The following SLC24A3 variants were observed in gnomAD, a reference collection of about 807,000 sequenced individuals.
The protein encoded by SLC24A3 is sodium/potassium/calcium exchanger 3.
In SLC24A3, 28 loss-of-function variants were observed where a neutral mutation model predicts 75.8. The ratio of observed to expected loss-of-function variants is 0.37; its 90% CI spans 0.27 to 0.51. The LOEUF (loss-of-function observed/expected upper bound fraction) is 0.51, where lower values mean the gene tolerates loss of function less well. Among genes scored for constraint, SLC24A3 ranks in the 20% least tolerant of loss-of-function variants. The pLI is 0.94. For missense variants in SLC24A3, 663 were observed against 847.8 expected (o/e 0.78, Z 2.71); for synonymous variants, 372 against 334.1 (o/e 1.11, Z -1.24).
At chr20:19,528,356 C>G (rs2030237197) in intron 3 of SLC24A3, among the ~76,000 whole-genome samples, 1 of 152,132 alleles carries the variant, frequency 6.6e-6, no homozygotes, top group Non-Finnish European at 1.5e-5. Flanking sequence ...GCCCATTTTC[C>G]CATCTCTTTA....
chr20:19,696,015 C>CTTTTCTTT (rs1555807706), intron 13 of SLC24A3, among the ~76,000 whole-genome samples: 13 of 108,074 alleles, frequency 1.2e-4, no homozygotes, highest in African/African-American at 2.8e-4. Flanking sequence ...TTTTCCTTTT[C>CTTTTCTTT]TTTTTTTTTT....
chr20:19,471,355 C>T (rs144667374), intron 2 of SLC24A3, among the ~76,000 whole-genome samples: 2 of 152,280 alleles, frequency 1.3e-5, no homozygotes, highest in East Asian at 1.9e-4. Flanking sequence ...TCAGCCTTAA[C>T]GAATATACTA....
chr20:19,529,890 T>C (rs1165784985), intron 3 of SLC24A3, among the ~76,000 whole-genome samples: 1 of 152,184 alleles, frequency 6.6e-6, no homozygotes, highest in African/African-American at 2.4e-5. Flanking sequence ...GCTCTGCTGA[T>C]AAATGAATCT....
intron 3 of SLC24A3, among the ~76,000 whole-genome samples, chr20:19,553,086 C>CCTCCCTCT (rs2030725725): frequency 7.4e-6 from 1 of 135,334 alleles, no homozygotes; most frequent in Non-Finnish European, 1.6e-5. Context: ...TCCCTCCCTC[C>CCTCCCTCT]CTCCCTCCTT....
At chr20:19,293,931 CTCAGAATA>C (rs1460952141) in intron 2 of SLC24A3, among the ~76,000 whole-genome samples, 2 of 152,102 alleles carry the variant, frequency 1.3e-5, no homozygotes, top group African/African-American at 2.4e-5. Context: ...ACCCCCCCAC[CTCAGAATA>C]TCAGAATGCA....
At chr20:19,413,823 C>T (rs757703805) in intron 2 of SLC24A3, among the ~76,000 whole-genome samples, 3 of 152,078 alleles carry the variant, frequency 2.0e-5, no homozygotes, top group African/African-American at 2.4e-5. Flanking sequence ...ATAGGTTTGA[C>T]GTAATAACAT....
chr20:19,326,745 G>A (rs1013245254), intron 2 of SLC24A3, among the ~76,000 whole-genome samples: 2 of 151,842 alleles, frequency 1.3e-5, no homozygotes, highest in African/African-American at 4.8e-5. Context: ...ACCAGCTAAT[G>A]TTTGTACTTT....
intron 3 of SLC24A3, among the ~76,000 whole-genome samples, chr20:19,573,902 C>A (rs1187564136): frequency 6.6e-6 from 1 of 152,150 alleles, no homozygotes; most frequent in Non-Finnish European, 1.5e-5. Flanking sequence ...AATAGGCCAC[C>A]AACAGCATCT....
intron 2 of SLC24A3, among the ~76,000 whole-genome samples, chr20:19,489,137 A>G (rs1299191413): frequency 6.6e-6 from 1 of 152,238 alleles, no homozygotes; most frequent in East Asian, 1.9e-4. Flanking sequence ...CTATACATTC[A>G]GAACTCCTAC....
chr20:19,610,320 C>T (rs1568671763), intron 6 of SLC24A3, among the ~76,000 whole-genome samples: 1 of 152,256 alleles, frequency 6.6e-6, no homozygotes, highest in East Asian at 1.9e-4. Flanking sequence ...AGGTGTACAA[C>T]ATTAATCTTA....
intron 2 of SLC24A3, among the ~76,000 whole-genome samples, chr20:19,467,301 A>G (rs551080125): frequency 5.3e-5 from 8 of 152,344 alleles, no homozygotes; most frequent in Admixed American, 5.2e-4. Context: ...AGAATCGCAG[A>G]AAGAAAAGAA....
At chr20:19,490,107 G>T (rs1266286933) in intron 2 of SLC24A3, among the ~76,000 whole-genome samples, 1 of 152,100 alleles carries the variant, frequency 6.6e-6, no homozygotes, top group African/African-American at 2.4e-5. Context: ...CTCATTGATG[G>T]CCAGATTGGC....
chr20:19,699,315 C>A (rs938847768), intron 15 of SLC24A3, among the ~76,000 whole-genome samples: 1 of 152,188 alleles, frequency 6.6e-6, no homozygotes, highest in Non-Finnish European at 1.5e-5. Flanking sequence ...AACGCCCTGG[C>A]GGGGAGAGGG....
intron 1 of SLC24A3, among the ~76,000 whole-genome samples, chr20:19,261,011 T>C (rs1982969599): frequency 6.6e-6 from 1 of 152,182 alleles, no homozygotes; most frequent in African/African-American, 2.4e-5. Context: ...ATGAAGACTT[T>C]CTATAGCCCC....
At chr20:19,226,692 A>G (rs987358178) in intron 1 of SLC24A3, among the ~76,000 whole-genome samples, 1 of 152,200 alleles carries the variant, frequency 6.6e-6, no homozygotes, top group Non-Finnish European at 1.5e-5. Context: ...CAATAACTCT[A>G]TAGAGTAGAT....
chr20:19,439,869 G>T (rs968854835), intron 2 of SLC24A3, among the ~76,000 whole-genome samples: 2 of 152,178 alleles, frequency 1.3e-5, no homozygotes, highest in African/African-American at 4.8e-5. Context: ...GGGAGAGAGA[G>T]GTTGAATTCG....
intron 2 of SLC24A3, among the ~76,000 whole-genome samples, chr20:19,463,386 G>T (rs2122497520): frequency 6.6e-6 from 1 of 152,276 alleles, no homozygotes; most frequent in East Asian, 1.9e-4. Flanking sequence ...TTTCAGTCTT[G>T]GTGAAATAAT....
chr20:19,287,548 C>A (rs1469149099), intron 2 of SLC24A3, among the ~76,000 whole-genome samples: 2 of 152,322 alleles, frequency 1.3e-5, no homozygotes, highest in East Asian at 3.9e-4. Flanking sequence ...AAGCCAAATA[C>A]CACCATTATA....
chr20:19,223,749 G>A (rs954410085), intron 1 of SLC24A3, among the ~76,000 whole-genome samples: 26 of 152,188 alleles, frequency 1.7e-4, no homozygotes, highest in African/African-American at 5.8e-4. Context: ...CAGGGCCTAC[G>A]TAAGGAGATG....
Sources: allele counts gnomAD v4.1 joint callset (sites outside exome capture counted in the v4.1 genomes callset), GRCh38; gene constraint gnomAD v4.1.1; transcripts MANE v1.5; gene names NCBI Gene and HGNC (gene_info 2026-07-23, HGNC 2026-07-21).